The following MDN1 variants were observed in gnomAD, a reference collection of about 807,000 sequenced individuals.
MDN1 encodes midasin AAA ATPase 1, also known as midasin.
A neutral mutation model predicts 669.2 loss-of-function variants in MDN1; 266 were observed. That is an observed-to-expected ratio of 0.40 (90% CI 0.36 to 0.44). The LOEUF (loss-of-function observed/expected upper bound fraction) is 0.44, where lower values mean the gene tolerates loss of function less well. Ranked by LOEUF, MDN1 falls within the 20% of genes least tolerant of loss-of-function variation. MDN1 has a pLI of 1.00. For synonymous variants in MDN1, 2,385 were observed against 2,457.1 expected, an observed-to-expected ratio of 0.97 and a Z score of 0.87; for missense variants, 5,940 against 6,754.0, an observed-to-expected ratio of 0.88 and a Z score of 4.22.
At chr6:89,684,817 G>C in intron 71 of MDN1, 59 bp downstream of exon 71, 1 of 1,117,774 alleles carries the variant, frequency 8.9e-7, no homozygotes, top group Non-Finnish European at 1.3e-6. Flanking sequence ...CAGGGTTAAC[G>C]AAAGAGAATT....
Position 89,723,009 on chromosome 6 carries a change from C to T in MDN1, c.5913G>A (p.Gln1971=), listed in dbSNP as rs770837322. Residue 1971 remains glutamine, a synonymous_variant, in exon 40 of 102, where the codon CAG becomes CAA. Coordinates refer to ENST00000369393, the MANE Select transcript of MDN1 (RefSeq NM_014611.3). ...DQSPGCYDPG[Q]HVFLVYGERM... is the part of the protein sequence containing the mutation. ...TTTCACCATAGACCAAAAACACATGCTGACCAGGATCATAACACCCAGGGG... is the reference window on the plus strand; with the variant it reads ...TTTCACCATAGACCAAAAACACATGTTGACCAGGATCATAACACCCAGGGG... 17 of 1,613,964 alleles carry T rather than the reference C, an allele frequency of 1.1e-5. No individual in the cohort carries two copies. Among genetic ancestry groups the T allele is most frequent in the Non-Finnish European group, 1.4e-5 (17 of 1,179,970 alleles).
At chr6:89,786,319 C>T (rs1272838184) in intron 8 of MDN1, among the ~76,000 whole-genome samples, 1 of 151,936 alleles carries the variant, frequency 6.6e-6, no homozygotes, top group Non-Finnish European at 1.5e-5. Flanking sequence ...GTGCCAGGTA[C>T]AGTGGCTCAT....
At chr6:89,751,305 A>G in intron 23 of MDN1, 126 bp downstream of exon 23, 1 of 1,217,190 alleles carries the variant, frequency 8.2e-7, no homozygotes, top group East Asian at 2.5e-5. Flanking sequence ...TGACTTTTGT[A>G]AGTAATTGTT....
At chr6:89,713,941 A>C (rs922630207) in intron 46 of MDN1, among the ~76,000 whole-genome samples, 4 of 151,786 alleles carry the variant, frequency 2.6e-5, no homozygotes, top group Non-Finnish European at 5.9e-5. Context: ...GGAGAGGCTG[A>C]GGCAGAAGAA....
chr6:89,771,485 T>C, intron 15 of MDN1, 76 bp downstream of exon 15: 2 of 1,301,640 alleles, frequency 1.5e-6, no homozygotes, highest in Non-Finnish European at 2.2e-6. Flanking sequence ...CTGTGGTTGT[T>C]AACACTAAGA....
chr6:89,739,282 A>G (rs574588524), intron 32 of MDN1, among the ~76,000 whole-genome samples: 125 of 152,320 alleles, frequency 8.2e-4, no homozygotes, highest in African/African-American at 2.9e-3. Flanking sequence ...GAGGAAAACA[A>G]GATAAGATAA....
At chr6:89,819,288 G>A (rs1769093791) in intron 1 of MDN1, among the ~76,000 whole-genome samples, 1 of 152,144 alleles carries the variant, frequency 6.6e-6, no homozygotes, top group Non-Finnish European at 1.5e-5. Flanking sequence ...AAGGGTACTG[G>A]AAGGCTCCCC....
intron 44 of MDN1, 27 bp from the exon 45 acceptor site, chr6:89,715,796 A>G (rs1283163926): frequency 1.4e-6 from 2 of 1,410,730 alleles, no homozygotes; most frequent in Admixed American, 1.7e-5. Context: ...CAGATGGTGG[A>G]TAGGCTGACA....
intron 53 of MDN1, 138 bp downstream of exon 53, chr6:89,705,921 T>C (rs1813483226): frequency 1.4e-6 from 1 of 727,806 alleles, no homozygotes. Flanking sequence ...TATAGGTATA[T>C]TTAAAACTGT....
chr6:89,707,731 A>C (rs55926724), intron 51 of MDN1, among the ~76,000 whole-genome samples: 21,991 of 152,168 alleles, frequency 0.14, 1,771 homozygotes, highest in South Asian at 0.29. Flanking sequence ...GACAAACTGC[A>C]CCGTGAACTC....
chr6:89,679,526 TGAA>T (rs1009745367), intron 74 of MDN1, among the ~76,000 whole-genome samples: 2 of 151,998 alleles, frequency 1.3e-5, no homozygotes, highest in African/African-American at 4.8e-5. Flanking sequence ...AGAGAGGTAA[TGAA>T]GGTGAAATGA....
chr6:89,758,386 T>C (rs1817363602), intron 18 of MDN1, 35 bp from the exon 19 acceptor site: 4 of 1,519,502 alleles, frequency 2.6e-6, no homozygotes, highest in Non-Finnish European at 2.7e-6. Context: ...TCAACAAAGG[T>C]ATGATTATCT....
At position 89,816,228 on chromosome 6, in the gene MDN1, C is replaced by T. The variant is rs565085103; in HGVS notation, c.102+3278G>A. ...CAGCCTGGCTAACATGGTGAAACCC[C>T]GTCTCTACTAAAAATACAAAAATTA... On this transcript the variant is annotated intron_variant, in intron 1 of 101. Coordinates refer to ENST00000369393, the MANE Select transcript of MDN1 (RefSeq NM_014611.3). Among the ~76,000 whole-genome samples, 6 of 151,044 alleles carry T rather than the reference C, an allele frequency of 4.0e-5. No individual in the cohort carries two copies. The East Asian group carries it at 1.2e-3, about 30-fold the overall frequency.
intron 34 of MDN1, 36 bp downstream of exon 34, chr6:89,732,521 G>A (rs375314093): frequency 1.1e-4 from 180 of 1,589,146 alleles, no homozygotes; most frequent in Non-Finnish European, 1.4e-4. Flanking sequence ...CCCTCTATAC[G>A]AGCCCCTTGT....
rs566766469 is a variant in MDN1, at chr6:89,758,340, G to C, written c.2617C>G (p.Arg873Gly). Residue 873 changes from arginine (R) to glycine (G), a missense_variant, in exon 19 of 102, where the codon CGG (arginine) becomes GGG (glycine). Arg to Gly is a moderately radical substitution (Grantham distance 125). Around this residue, in one of 5 missense-constraint regions of MDN1, gnomAD observed 1,203 missense variants for 1,268.9 expected, o/e 0.95. Transcript: ENST00000369393. ...GCAAATAAACGGAAGTCAGGATGCCGAACCAGTGGCTCTGTTAAGAGAAAA... is the reference window on the plus strand; with the variant it reads ...GCAAATAAACGGAAGTCAGGATGCCCAACCAGTGGCTCTGTTAAGAGAAAA... ...LDRGDTEPLV[R>G]HPDFRLFACM... 2 of 1,607,822 alleles carry C rather than the reference G, an allele frequency of 1.2e-6. No individual in the cohort carries two copies. Among genetic ancestry groups the C allele is most frequent in the East Asian group, 4.5e-5 (2 of 44,814 alleles).
intron 50 of MDN1, among the ~76,000 whole-genome samples, 161 bp downstream of exon 50, chr6:89,710,519 AG>A (rs1336435609): frequency 6.6e-6 from 1 of 151,676 alleles, no homozygotes; most frequent in Non-Finnish European, 1.5e-5. Flanking sequence ...AAAAAAAAAA[AG>A]AAATTTCAAA....
intron 2 of MDN1, among the ~76,000 whole-genome samples, chr6:89,800,301 C>T (rs907767103): frequency 6.6e-6 from 1 of 151,972 alleles, no homozygotes; most frequent in Non-Finnish European, 1.5e-5. Flanking sequence ...GTGGCACATG[C>T]CTGTAATCCC....
chr6:89,645,952 T>C lies in MDN1; in HGVS notation c.16459+588A>G, dbSNP rs1006103935. 5.3e-4 allele frequency among the ~76,000 whole-genome samples: 81 copies of C among 152,174 alleles called. 1 individual carries two copies. Among genetic ancestry groups the C allele is most frequent in the African/African-American group, 1.8e-3 (73 of 41,440 alleles). On this transcript the variant is annotated intron_variant, in intron 100 of 101. Transcript: ENST00000369393. ...TGGATTAGCTGGTTTTTATATTATG[T>C]CCTTCTCTACTTTCCTCTGTTATTA... is the stretch of plus-strand genomic sequence containing the variant.
chr6:89,688,773 G>A lies in MDN1; in HGVS notation c.11059C>T (p.Leu3687Phe). 1 of 1,614,164 alleles carries A rather than the reference G, an allele frequency of 6.2e-7. No homozygotes were observed. The highest frequency in any genetic ancestry group is 1.1e-5 in the South Asian group (1 of 91,078). The change falls in exon 66 of 102, where the codon CTT (leucine) becomes TTT (phenylalanine). Residue 3687 changes from leucine to phenylalanine, a missense_variant. This residue lies in a region of MDN1 where 2,280 missense variants were observed against 2,576.3 expected (regional missense o/e 0.88). Coordinates refer to ENST00000369393, the MANE Select transcript of MDN1 (RefSeq NM_014611.3). ...ELNDRLLGSQ[L>F]LACTLSHNTL... ...TTATGGGAGAGGGTACAGGCCAAAA[G>A]TTGGCTGCCCAAGAGTCGGTCATTC...
Sources: allele counts gnomAD v4.1 joint callset (sites outside exome capture counted in the v4.1 genomes callset), GRCh38; gene constraint gnomAD v4.1.1; regional missense constraint gnomAD v4.1.1; transcripts MANE v1.5; gene names NCBI Gene and HGNC (gene_info 2026-07-23, HGNC 2026-07-21).